The following ADNP variants were observed in gnomAD, a reference collection of about 807,000 sequenced individuals.
ADNP encodes the protein activity dependent neuroprotector homeobox.
A neutral mutation model predicts 84.9 loss-of-function variants in ADNP; 4 were observed. That is an observed-to-expected ratio of 0.05 (90% CI 0.02 to 0.11). The LOEUF is 0.11. Among genes scored for constraint, ADNP ranks in the 10% least tolerant of loss-of-function variants. The pLI, the probability that ADNP is intolerant of heterozygous loss-of-function variation, is 1.00. For synonymous variants in ADNP, 554 were observed against 468.1 expected (o/e 1.18, Z -2.37); for missense variants, 1,132 against 1,326.0 (o/e 0.85, Z 2.27).
In ADNP at chr20:50,893,890, G is replaced by A. The variant is rs1981101749; in HGVS notation, c.824C>T (p.Pro275Leu). 1.9e-6 allele frequency: 3 copies of A among 1,614,070 alleles called. No homozygotes were observed. The highest frequency in any genetic ancestry group is 2.5e-6 in the Non-Finnish European group (3 of 1,180,028). ...GAGTCCCATGCTCTTCTTGTCTTGA[G>A]GTTTGGGAGCAATTAGCATCAAGGG... ...SKPLMLIAPK[P>L]QDKKSMGLPP... The change falls in exon 6 of 6, where the codon CCT (proline) becomes CTT (leucine). Residue 275 changes from proline to leucine, a missense_variant. Transcript: ENST00000621696. This position sits in a 1 kb window ranked among gnomAD's most constrained non-coding sequence, Gnocchi z 4.4.
chr20:50,893,286 T>C lies in ADNP; in HGVS notation c.1428A>G (p.Ala476=), dbSNP rs150847732. Residue 476 remains alanine, a synonymous_variant, in exon 6 of 6, where the codon GCA becomes GCG. Transcript: ENST00000621696. The surrounding 1 kb of genome is among the most constrained non-coding windows in gnomAD (Gnocchi z 4.4). ...EKEHKAEKVP[A]VANYIMKIHN... is the part of the protein sequence containing the mutation. ...GTATTTTCATAATGTAGTTGGCTAC[T>C]GCTGGGACTTTCTCAGCTTTATGTT... 7.1e-5 allele frequency: 115 copies of C among 1,614,172 alleles called. No individual in the cohort carries two copies. The African/African-American group carries it at 1.0e-3, about 15-fold the overall frequency.
rs1460731968 is a variant in ADNP at position 50,893,358 on chromosome 20, A to G, written c.1356T>C (p.Cys452=). The G allele has an allele frequency of 5.0e-6, 8 of 1,614,202 alleles. No homozygotes were observed. Among genetic ancestry groups the G allele is most frequent in the Non-Finnish European group, 6.8e-6 (8 of 1,180,034 alleles). Residue 452 remains cysteine (C), a synonymous_variant, in exon 6 of 6, where the codon TGT becomes TGC. Coordinates refer to ENST00000621696, the MANE Select transcript of ADNP (RefSeq NM_001282531.3). This position sits in a 1 kb window ranked among gnomAD's most constrained non-coding sequence, Gnocchi z 4.4. ...AGACATTTTCAGGAAAAAGCTCATTACAGATTGTACATATTTTCCACTTTT... is the reference window on the plus strand; with the variant it reads ...AGACATTTTCAGGAAAAAGCTCATTGCAGATTGTACATATTTTCCACTTTT... ...STQKWKICTI[C]NELFPENVYS... is the part of the protein sequence containing the mutation.
In ADNP at chr20:50,890,145, A is replaced by C. The variant is rs951294599; in HGVS notation, c.*1260T>G. The C allele has an allele frequency of 5.2e-5, 14 of 266,866 alleles. 2 individuals are homozygous for C. The highest frequency in any genetic ancestry group is 3.2e-4 in the Admixed American group (6 of 18,556). The allele number at this position is 266,866 out of a possible 1,614,324, so 16.5% of individuals were successfully genotyped here. A position where few individuals can be genotyped will look rare whatever the true frequency, so the allele number is the denominator to read the frequency against. On this transcript the variant is annotated 3_prime_UTR_variant, in exon 6 of 6. Transcript: ENST00000621696. ...TGTTTTTCAGTTAAAAAAAAAAAAA[A>C]AAAAAAAAAAAAAAAAGAAAAACAG...
intron 2 of ADNP, among the ~76,000 whole-genome samples, chr20:50,916,987 C>G (rs2426204): frequency 0.35 from 53,800 of 152,004 alleles, 10,381 homozygotes; most frequent in African/African-American, 0.52. Context: ...GCAGCACTCT[C>G]AATCACTGAA....
rs1568703184 is a variant in ADNP at position 50,891,938 on chromosome 20, TCTC to T, written c.2773_2775del (p.Glu925del). On this transcript the variant is annotated inframe_deletion, in exon 6 of 6. Coordinates refer to ENST00000621696, the MANE Select transcript of ADNP (RefSeq NM_001282531.3). ...GAACCATCCTCTTTTTGGTCTAGCT[TCTC>T]CTCAGATTCTGAAGCATCCTCAGGA... The T allele has an allele frequency of 5.0e-6, 8 of 1,614,218 alleles. No homozygotes were observed. In the East Asian group the frequency reaches 6.7e-5, roughly 13 times the overall value.
At chr20:50,904,142 C>G in intron 3 of ADNP, 141 bp from the exon 4 acceptor site, 1 of 624,140 alleles carries the variant, frequency 1.6e-6, no homozygotes, top group Non-Finnish European at 2.8e-6. Flanking sequence ...TGTACACACA[C>G]AGACACACAC....
At chr20:50,899,082 G>T (rs765725764) in intron 5 of ADNP, among the ~76,000 whole-genome samples, 1 of 151,594 alleles carries the variant, frequency 6.6e-6, no homozygotes, top group Non-Finnish European at 1.5e-5. Context: ...GTAGATCAAA[G>T]ATACAGTATT....
At position 50,894,122 on chromosome 20, in the gene ADNP, C is replaced by T. The variant is rs776800182; in HGVS notation, c.592G>A (p.Ala198Thr). 10 of 1,614,154 alleles carry T rather than the reference C, an allele frequency of 6.2e-6. No homozygotes were observed. The highest frequency in any genetic ancestry group is 7.6e-6 in the Non-Finnish European group (9 of 1,180,020). Reference protein sequence around the residue: ...HFQHVAAPYIAKAGEKSLNGA... With the variant: ...HFQHVAAPYITKAGEKSLNGA... ...TTGAGTGATTTTTCTCCTGCCTTTG[C>T]TATGTAAGGTGCTGCCACATGCTGA... is the stretch of plus-strand genomic sequence containing the variant. Residue 198 changes from alanine to threonine, a missense_variant, in exon 6 of 6, where the codon GCA becomes ACA. By Grantham distance (58) the Ala-to-Thr change is moderately conservative (BLOSUM62 0). Transcript: ENST00000621696.
chr20:50,898,247 AC>A (rs1302158765), intron 5 of ADNP, among the ~76,000 whole-genome samples: 3 of 152,236 alleles, frequency 2.0e-5, no homozygotes, highest in Admixed American at 2.0e-4. Context: ...CAAACTCACC[AC>A]TTTCCCATTA....
intron 5 of ADNP, among the ~76,000 whole-genome samples, chr20:50,895,508 A>G (rs374372528): frequency 6.6e-6 from 1 of 152,228 alleles, no homozygotes; most frequent in Non-Finnish European, 1.5e-5. Context: ...ATTACTGTAC[A>G]CTACTGTAGA....
intron 2 of ADNP, among the ~76,000 whole-genome samples, chr20:50,915,970 ATTC>A (rs1381014842): frequency 6.6e-6 from 1 of 152,196 alleles, no homozygotes; most frequent in Admixed American, 6.5e-5. Context: ...CAGTTTCTGT[ATTC>A]TTCTATTCTT....
chr20:50,919,372 A>G (rs909721977), intron 2 of ADNP, among the ~76,000 whole-genome samples: 12 of 150,590 alleles, frequency 8.0e-5, no homozygotes, highest in Non-Finnish European at 1.2e-4. Flanking sequence ...TGGGAGGCTG[A>G]GGTGGGAGAA....
rs745349074 is a variant in ADNP at position 50,909,070 on chromosome 20, TA to T, written c.-89-4222del. Among the ~76,000 whole-genome samples, 915 of 138,566 alleles carry T rather than the reference TA, an allele frequency of 6.6e-3. 1 individual carries two copies. The highest frequency in any genetic ancestry group is 0.011 in the Middle Eastern group (3 of 262). The allele number at this position is 138,566 out of a possible 152,430, so 90.9% of individuals were successfully genotyped here. Reference sequence around the variant, plus strand: ...TCTTTTGCCTCATTAGGATGGCCATTAAAAAAAAAAAAAAAATTTGCCAGCC... The same window carrying T: ...TCTTTTGCCTCATTAGGATGGCCATTAAAAAAAAAAAAAAATTTGCCAGCC... On this transcript the variant is annotated intron_variant, in intron 2 of 5. Coordinates refer to ENST00000621696, the MANE Select transcript of ADNP (RefSeq NM_001282531.3).
At chr20:50,906,036 A>C (rs561717239) in intron 2 of ADNP, among the ~76,000 whole-genome samples, 35 of 152,042 alleles carry the variant, frequency 2.3e-4, no homozygotes, top group African/African-American at 8.2e-4. Flanking sequence ...CATGGTGAAA[A>C]CCCGACTCTA....
chr20:50,895,184 G>C (rs1337755650), intron 5 of ADNP, among the ~76,000 whole-genome samples: 1 of 152,098 alleles, frequency 6.6e-6, no homozygotes, highest in Admixed American at 6.5e-5. Context: ...TAAACCACAG[G>C]GATGCATTCT....
At chr20:50,899,867 ATTTTTTTT>A (rs142777741) in intron 5 of ADNP, among the ~76,000 whole-genome samples, 17 of 131,276 alleles carry the variant, frequency 1.3e-4, no homozygotes, top group African/African-American at 5.1e-4. Flanking sequence ...CAGCTGTACA[ATTTTTTTT>A]TTTTTTTTTT....
Position 50,890,926 on chromosome 20 carries a change from A to T in ADNP, c.*479T>A. The T allele has an allele frequency of 1.0e-6, 1 of 986,128 alleles. No individual in the cohort carries two copies. Among genetic ancestry groups the T allele is most frequent in the Non-Finnish European group, 1.2e-6 (1 of 830,398 alleles). The allele number at this position is 986,128 out of a possible 1,614,324, so 61.1% of individuals were successfully genotyped here. A position where few individuals can be genotyped will look rare whatever the true frequency, so the allele number is the denominator to read the frequency against. On this transcript the variant is annotated 3_prime_UTR_variant, in exon 6 of 6. Transcript: ENST00000621696. ...TAACAGGATCATGAGCATCACTTGA[A>T]TAGGTCTAAAAGACTGTACAAATAT...
chr20:50,916,123 C>A (rs576809583), intron 2 of ADNP, among the ~76,000 whole-genome samples: 1 of 152,142 alleles, frequency 6.6e-6, no homozygotes, highest in African/African-American at 2.4e-5. Flanking sequence ...ATAACTATTT[C>A]TTTAGTTAGG....
chr20:50,903,306 A>T (rs953978958), intron 4 of ADNP, among the ~76,000 whole-genome samples: 1 of 152,196 alleles, frequency 6.6e-6, no homozygotes, highest in Non-Finnish European at 1.5e-5. Context: ...ATAGAATAAA[A>T]CAGCTTGAAA....
Sources: allele counts gnomAD v4.1 joint callset (sites outside exome capture counted in the v4.1 genomes callset), GRCh38; gene constraint gnomAD v4.1.1; non-coding constraint Gnocchi (gnomAD v3.1); transcripts MANE v1.5; gene names NCBI Gene and HGNC (gene_info 2026-07-23, HGNC 2026-07-21).